Variants in DRAM2 observed in about 807,000 individuals in gnomAD.
DRAM2 encodes the protein DNA damage-regulated autophagy modulator protein 2.
Under a neutral mutation model 33.5 loss-of-function variants are expected in DRAM2, and 26 were observed. The ratio of observed to expected loss-of-function variants is 0.78; its 90% CI spans 0.57 to 1.08. DRAM2 has a LOEUF of 1.08. DRAM2 is among the 50% of genes least tolerant of loss of function. The pLI, the probability that DRAM2 is intolerant of heterozygous loss-of-function variation, is 0.00. For synonymous variants in DRAM2, 98 were observed against 109.5 expected (o/e 0.89, Z 0.66); for missense variants, 311 against 318.1 (o/e 0.98, Z 0.17).
chr1:111,122,157 G>C (rs908578319), intron 6 of DRAM2, among the ~76,000 whole-genome samples: 1 of 152,094 alleles, frequency 6.6e-6, no homozygotes, highest in African/African-American at 2.4e-5. Flanking sequence ...CTCTTGAATT[G>C]TATCTCTTTT....
At chr1:111,130,504 G>A (rs377629283) in intron 4 of DRAM2, among the ~76,000 whole-genome samples, 1 of 152,270 alleles carries the variant, frequency 6.6e-6, no homozygotes, top group East Asian at 1.9e-4. Context: ...AGAAGTTCAA[G>A]ACTAGCCTCA....
At chr1:111,131,736 C>T (rs1050131062) in intron 3 of DRAM2, among the ~76,000 whole-genome samples, 168 bp from the exon 4 acceptor site, 5 of 152,164 alleles carry the variant, frequency 3.3e-5, no homozygotes, top group Admixed American at 6.5e-5. Flanking sequence ...TCTTAGTGAG[C>T]GCAACCAAGA....
At chr1:111,130,940 G>C (rs1194543225) in intron 4 of DRAM2, among the ~76,000 whole-genome samples, 1 of 151,222 alleles carries the variant, frequency 6.6e-6, no homozygotes, top group Non-Finnish European at 1.5e-5. Context: ...TCGGGAGGCG[G>C]AGGTTGCAGT....
At position 111,118,407 on chromosome 1, in the gene DRAM2, G is replaced by A; in HGVS notation, c.694-140C>T. 4.9e-6 allele frequency: 3 copies of A among 617,264 alleles called. No homozygotes were observed. In the East Asian group the frequency reaches 8.4e-5, roughly 17 times the overall value. 38.2% of individuals were successfully genotyped at this position (617,264 alleles called of 1,614,324 possible). ...GTGAGACAGCTGTTTTACTGTCAAA[G>A]GTATCCTCTTTGTACCAATTAAAAT... On this transcript the variant is annotated intron_variant, in intron 9 of 9. Coordinates refer to ENST00000484310, the MANE Select transcript of DRAM2 (RefSeq NM_001349884.2).
At position 111,124,891 on chromosome 1, in the gene DRAM2, G is replaced by C. The variant is rs1650695954; in HGVS notation, c.200-10C>G. 1 of 1,607,040 alleles carries C rather than the reference G, an allele frequency of 6.2e-7. No homozygotes were observed. The highest frequency in any genetic ancestry group is 1.1e-5 in the South Asian group (1 of 90,226). ...TAAATGGTAGCAATGCCTGGGAAAA[G>C]ATAATCCAAAAAACAACAAAGTAAT... On this transcript the variant is annotated splice_polypyrimidine_tract_variant and intron_variant, in intron 5 of 9. Transcript: ENST00000484310.
intron 3 of DRAM2, among the ~76,000 whole-genome samples, chr1:111,136,824 A>G (rs1337940923): frequency 6.6e-6 from 1 of 151,998 alleles, no homozygotes; most frequent in Non-Finnish European, 1.5e-5. Context: ...AATACAAAAA[A>G]TTAGCCGGGG....
Position 111,128,360 on chromosome 1 carries a change from T to C in DRAM2, c.132-2066A>G, listed in dbSNP as rs1008396784. Among the ~76,000 whole-genome samples the C allele has an allele frequency of 2.0e-5, 3 of 152,056 alleles. No homozygotes were observed. In the East Asian group the frequency reaches 5.8e-4, roughly 29 times the overall value. On this transcript the variant is annotated intron_variant, in intron 4 of 9. Coordinates refer to ENST00000484310, the MANE Select transcript of DRAM2 (RefSeq NM_001349884.2). ...GAAAGACCTCAGGGTAATACTAAGT[T>C]CATTAGCAGAAAAATCAAAAAGCAG...
intron 4 of DRAM2, among the ~76,000 whole-genome samples, chr1:111,128,775 T>G (rs1651512129): frequency 6.6e-6 from 1 of 152,200 alleles, no homozygotes; most frequent in Non-Finnish European, 1.5e-5. Context: ...TGTGGTTGAT[T>G]GGATGTATAG....
At chr1:111,132,124 C>T (rs1557898744) in intron 3 of DRAM2, among the ~76,000 whole-genome samples, 3 of 152,162 alleles carry the variant, frequency 2.0e-5, no homozygotes, top group Admixed American at 1.3e-4. Flanking sequence ...ACGTTCAGTC[C>T]TCCATCCCCA....
chr1:111,121,147 G>A (rs1175586044), intron 6 of DRAM2, among the ~76,000 whole-genome samples: 1 of 152,034 alleles, frequency 6.6e-6, no homozygotes, highest in Non-Finnish European at 1.5e-5. Flanking sequence ...AAAGCATAGT[G>A]CAATAAGAAA....
intron 5 of DRAM2, 65 bp downstream of exon 5, chr1:111,126,162 G>T: frequency 9.8e-7 from 1 of 1,024,176 alleles, no homozygotes; most frequent in Non-Finnish European, 1.6e-6. Context: ...ACACTCCAGT[G>T]TTGAAAGAAG....
intron 5 of DRAM2, 112 bp downstream of exon 5, chr1:111,126,115 A>G: frequency 4.4e-6 from 3 of 688,590 alleles, no homozygotes; most frequent in Non-Finnish European, 7.9e-6. Flanking sequence ...TTTAGTGATA[A>G]CATACTCTCA....
intron 6 of DRAM2, 117 bp from the exon 7 acceptor site, chr1:111,120,810 C>T (rs1027197636): frequency 8.6e-6 from 7 of 818,580 alleles, no homozygotes; most frequent in Non-Finnish European, 8.6e-6. Context: ...TAGAGAAGCT[C>T]GGCCAATTCT....
chr1:111,120,817 T>G (rs1165574381), intron 6 of DRAM2, 124 bp from the exon 7 acceptor site: 1 of 739,830 alleles, frequency 1.4e-6, no homozygotes, highest in Non-Finnish European at 1.9e-6. Context: ...GCTCGGCCAA[T>G]TCTACAAACA....
At chr1:111,137,688 A>C (rs916822569) in intron 2 of DRAM2, 102 bp from the exon 3 acceptor site, 4 of 152,238 alleles carry the variant, frequency 2.6e-5, no homozygotes, top group African/African-American at 9.6e-5. Flanking sequence ...CATGGGCAGA[A>C]TACTAGGCTA....
At chr1:111,123,916 T>C (rs556999499) in intron 6 of DRAM2, among the ~76,000 whole-genome samples, 3 of 152,348 alleles carry the variant, frequency 2.0e-5, no homozygotes, top group Non-Finnish European at 4.4e-5. Context: ...CATAACCAGA[T>C]GCTGGCATCA....
At chr1:111,135,815 T>A (rs1291514118) in intron 3 of DRAM2, among the ~76,000 whole-genome samples, 1 of 152,220 alleles carries the variant, frequency 6.6e-6, no homozygotes, top group Non-Finnish European at 1.5e-5. Context: ...TCCACTTCTC[T>A]ACCTAAGCAT....
At chr1:111,121,025 A>C (rs1223867106) in intron 6 of DRAM2, among the ~76,000 whole-genome samples, 1 of 152,116 alleles carries the variant, frequency 6.6e-6, no homozygotes, top group Non-Finnish European at 1.5e-5. Context: ...CCATTAGAGA[A>C]CAAAACAGGC....
At chr1:111,137,976 A>C (rs1365623670) in intron 2 of DRAM2, among the ~76,000 whole-genome samples, 4 of 152,240 alleles carry the variant, frequency 2.6e-5, no homozygotes, top group African/African-American at 9.6e-5. Context: ...GAGATGAGAT[A>C]TCTCTAAACA....
Sources: gnomAD v4.1 joint callset for allele counts (sites outside exome capture counted in the v4.1 genomes callset) on GRCh38, gnomAD v4.1.1 for gene constraint, MANE v1.5 for transcripts, NCBI Gene and HGNC (gene_info 2026-07-23, HGNC 2026-07-21) for gene names.